Variants in TSPAN18 observed in about 807,000 individuals in gnomAD.
TSPAN18 encodes tetraspanin-18.
TSPAN18 carries 14 observed loss-of-function variants against 27.3 expected under a neutral mutation model. That is an observed-to-expected ratio of 0.51 (90% CI 0.34 to 0.80). The LOEUF (loss-of-function observed/expected upper bound fraction) is 0.80, where lower values mean the gene tolerates loss of function less well. Among genes scored for constraint, TSPAN18 ranks in the 30% least tolerant of loss-of-function variants. The pLI, the probability that TSPAN18 is intolerant of heterozygous loss-of-function variation, is 0.01. For synonymous variants in TSPAN18, 143 were observed against 136.5 expected, an observed-to-expected ratio of 1.05 and a Z score of -0.33; for missense variants, 268 against 323.9, an observed-to-expected ratio of 0.83 and a Z score of 1.32.
At chr11:44,817,291 A>G (rs922613040) in intron 2 of TSPAN18, among the ~76,000 whole-genome samples, 2 of 152,248 alleles carry the variant, frequency 1.3e-5, no homozygotes, top group African/African-American at 4.8e-5. Flanking sequence ...CACCAAAGTA[A>G]TGCCACATAA....
chr11:44,829,744 T>C (rs1192670304), intron 2 of TSPAN18, among the ~76,000 whole-genome samples: 1 of 152,188 alleles, frequency 6.6e-6, no homozygotes, highest in Non-Finnish European at 1.5e-5. Flanking sequence ...TGTTTAGTTT[T>C]ATAAGAAGCT....
chr11:44,926,782 C>T (rs747670521), intron 9 of TSPAN18, 25 bp downstream of exon 9: 39 of 1,610,634 alleles, frequency 2.4e-5, no homozygotes, highest in Non-Finnish European at 3.1e-5. Flanking sequence ...CCACTTCTGC[C>T]GCTCCCCAGG....
chr11:44,898,808 C>T (rs993319728), intron 3 of TSPAN18, among the ~76,000 whole-genome samples: 3 of 152,244 alleles, frequency 2.0e-5, no homozygotes, highest in African/African-American at 7.2e-5. Context: ...ATCCGATCAC[C>T]TCTTAAAGGC....
chr11:44,856,628 G>A (rs1857746111), intron 2 of TSPAN18, among the ~76,000 whole-genome samples: 1 of 152,246 alleles, frequency 6.6e-6, no homozygotes, highest in South Asian at 2.1e-4. Context: ...GGTGTAATCT[G>A]TGCCTCTCTC....
intron 3 of TSPAN18, among the ~76,000 whole-genome samples, chr11:44,874,916 A>G (rs1393887978): frequency 6.6e-6 from 1 of 152,230 alleles, no homozygotes; most frequent in Non-Finnish European, 1.5e-5. Flanking sequence ...AACAGACATA[A>G]CTGGAGAGAA....
chr11:44,925,663 A>C (rs1046549477), intron 8 of TSPAN18: 1 of 152,228 alleles, frequency 6.6e-6, no homozygotes, highest in Non-Finnish European at 1.5e-5. Context: ...CCGTCACCCA[A>C]AAAGGGCTGG....
intron 2 of TSPAN18, among the ~76,000 whole-genome samples, chr11:44,822,186 C>T (rs113710526): frequency 4.7e-4 from 72 of 152,110 alleles, no homozygotes; most frequent in African/African-American, 1.7e-3. Flanking sequence ...TAAATAGTTC[C>T]CAATTTAAAT....
At chr11:44,805,485 G>A (rs951801140) in intron 2 of TSPAN18, among the ~76,000 whole-genome samples, 6 of 152,180 alleles carry the variant, frequency 3.9e-5, no homozygotes, top group Non-Finnish European at 8.8e-5. Flanking sequence ...CAGGAAGCCC[G>A]TGTTCCTCTC....
chr11:44,804,514 G>A (rs1856550233), intron 2 of TSPAN18, among the ~76,000 whole-genome samples: 1 of 152,162 alleles, frequency 6.6e-6, no homozygotes, highest in East Asian at 1.9e-4. Context: ...GTGGACTGAA[G>A]GAAGGAAAGG....
At chr11:44,836,987 G>T (rs1245393565) in intron 2 of TSPAN18, among the ~76,000 whole-genome samples, 7 of 152,228 alleles carry the variant, frequency 4.6e-5, no homozygotes, top group Non-Finnish European at 1.0e-4. Flanking sequence ...TGTACAGGGA[G>T]ATTCATGTTG....
At chr11:44,750,816 T>G (rs1855193506) in intron 1 of TSPAN18, among the ~76,000 whole-genome samples, 2 of 152,076 alleles carry the variant, frequency 1.3e-5, no homozygotes, top group Admixed American at 1.3e-4. Context: ...TCTGGGACAT[T>G]GGATGTTTAA....
chr11:44,815,681 G>A (rs1255001376), intron 2 of TSPAN18, among the ~76,000 whole-genome samples: 1 of 152,198 alleles, frequency 6.6e-6, no homozygotes, highest in Non-Finnish European at 1.5e-5. Flanking sequence ...CTCAGGCCAT[G>A]GTGAGTGCCC....
chr11:44,735,008 C>A (rs1854755315), intron 1 of TSPAN18, among the ~76,000 whole-genome samples: 2 of 152,230 alleles, frequency 1.3e-5, no homozygotes, highest in Non-Finnish European at 2.9e-5. Flanking sequence ...AAAAGCTGGG[C>A]AGGCTGGACA....
intron 2 of TSPAN18, among the ~76,000 whole-genome samples, chr11:44,771,872 G>C (rs889928164): frequency 3.9e-5 from 6 of 152,180 alleles, no homozygotes; most frequent in African/African-American, 1.4e-4. Flanking sequence ...GCAAGGGATG[G>C]ATACCTCCGT....
At chr11:44,895,785 G>A (rs898234488) in intron 3 of TSPAN18, among the ~76,000 whole-genome samples, 2 of 152,144 alleles carry the variant, frequency 1.3e-5, no homozygotes, top group African/African-American at 2.4e-5. Context: ...GTGTCCAGAC[G>A]GAGATGAGGC....
At chr11:44,860,692 G>A (rs1246855669) in intron 3 of TSPAN18, among the ~76,000 whole-genome samples, 1 of 152,220 alleles carries the variant, frequency 6.6e-6, no homozygotes, top group Non-Finnish European at 1.5e-5. Context: ...GATTAGCCAA[G>A]AAGATAACCC....
chr11:44,861,485 G>T (rs1243637939), intron 3 of TSPAN18, among the ~76,000 whole-genome samples: 1 of 145,170 alleles, frequency 6.9e-6, no homozygotes. Flanking sequence ...GCGGGGGGTC[G>T]GTGGTTGGGG....
At position 44,929,201 on chromosome 11, in the gene TSPAN18, G is replaced by T; in HGVS notation, c.*23G>T. The T allele has an allele frequency of 1.9e-6, 3 of 1,613,320 alleles. No individual in the cohort carries two copies. Among genetic ancestry groups the T allele is most frequent in the Non-Finnish European group, 1.7e-6 (2 of 1,179,970 alleles). ...TAGAGGGTATGGCCTGAAGCCTGAA[G>T]ACTCGCCCCACCCACCACTGCCCAG... On this transcript the variant is annotated 3_prime_UTR_variant, in exon 10 of 10. Coordinates refer to ENST00000520358, the MANE Select transcript of TSPAN18 (RefSeq NM_130783.5).
At chr11:44,784,908 C>T (rs1332953939) in intron 2 of TSPAN18, among the ~76,000 whole-genome samples, 1 of 152,092 alleles carries the variant, frequency 6.6e-6, no homozygotes, top group Non-Finnish European at 1.5e-5. Context: ...TACCCTAAGG[C>T]GACTGCACTA....
Sources: allele counts gnomAD v4.1 joint callset (sites outside exome capture counted in the v4.1 genomes callset), GRCh38; gene constraint gnomAD v4.1.1; transcripts MANE v1.5; gene names NCBI Gene and HGNC (gene_info 2026-07-23, HGNC 2026-07-21).